The following COL4A3 variants were observed in gnomAD, a reference collection of about 807,000 sequenced individuals.
COL4A3 encodes the protein collagen type IV alpha 3 chain, also known as collagen alpha-3(IV) chain.
In COL4A3, 135 loss-of-function variants were observed where a neutral mutation model predicts 217.4. The observed-to-expected ratio is 0.62, with a 90% CI of 0.54 to 0.72. The LOEUF (loss-of-function observed/expected upper bound fraction) is 0.72. Ranked by LOEUF, COL4A3 falls within the 30% of genes least tolerant of loss-of-function variation. The probability of loss-of-function intolerance (pLI) is 0.00; values close to 1 mark genes in which losing one functional copy is unlikely to be tolerated. For synonymous variants in COL4A3, 690 were observed against 736.3 expected, an observed-to-expected ratio of 0.94 and a Z score of 1.02; for missense variants, 1,868 against 2,119.9, an observed-to-expected ratio of 0.88 and a Z score of 2.33.
chr2:227,307,766 T>C lies in COL4A3; in HGVS notation c.4309T>C (p.Ser1437Pro), dbSNP rs1271304293. The stretch of plus-strand genomic sequence containing the variant: ...GAAAGGAAAACGTGGAGACAGTGGA[T>C]CACCTGCAACCTGGACAACGAGAGG... Reference protein sequence around the residue: ...GLKGKRGDSGSPATWTTRGFV... With the variant: ...GLKGKRGDSGPPATWTTRGFV... Residue 1437 changes from serine to proline, a missense_variant, in exon 48 of 52, where the codon TCA (serine) becomes CCA (proline). Physicochemically the swap from Ser to Pro is moderately conservative, Grantham distance 74. Around this residue, in one of 2 missense-constraint regions of COL4A3, gnomAD observed 1,503 missense variants for 1,786.1 expected, o/e 0.84. Coordinates refer to ENST00000396578, the MANE Select transcript of COL4A3 (RefSeq NM_000091.5). 6.2e-7 allele frequency: 1 copy of C among 1,614,196 alleles called. No homozygotes were observed. Among genetic ancestry groups the C allele is most frequent in the African/African-American group, 1.3e-5 (1 of 75,050 alleles).
chr2:227,230,892 G>T (rs989865704), intron 1 of COL4A3, among the ~76,000 whole-genome samples: 2 of 152,158 alleles, frequency 1.3e-5, no homozygotes, highest in Non-Finnish European at 2.9e-5. Context: ...CCAGAGAGCA[G>T]CCCTGACTAT....
At chr2:227,275,969 C>A (rs1023574532) in intron 26 of COL4A3, among the ~76,000 whole-genome samples, 5 of 152,068 alleles carry the variant, frequency 3.3e-5, no homozygotes, top group African/African-American at 9.7e-5. Context: ...CAGCTCGCTG[C>A]CAGCGCTCAT....
chr2:227,190,609 T>C (rs766364721), intron 1 of COL4A3, among the ~76,000 whole-genome samples: 45 of 152,262 alleles, frequency 3.0e-4, no homozygotes, highest in Non-Finnish European at 4.8e-4. Flanking sequence ...TTAATTATTT[T>C]CTATTATAAA....
chr2:227,256,955 C>T (rs2070218852), intron 17 of COL4A3, among the ~76,000 whole-genome samples: 1 of 152,194 alleles, frequency 6.6e-6, no homozygotes, highest in African/African-American at 2.4e-5. Flanking sequence ...GAGACTGTTG[C>T]TCCTGGACTA....
chr2:227,299,104 C>T (rs1217632290), intron 43 of COL4A3, among the ~76,000 whole-genome samples: 1 of 152,148 alleles, frequency 6.6e-6, no homozygotes, highest in African/African-American at 2.4e-5. Context: ...CCTTATAAAA[C>T]CATCAGATCG....
intron 34 of COL4A3, among the ~76,000 whole-genome samples, chr2:227,284,705 T>C (rs1293381469): frequency 6.6e-6 from 1 of 152,210 alleles, no homozygotes; most frequent in African/African-American, 2.4e-5. Context: ...CTGGCTGATG[T>C]TGAAACCTCC....
At chr2:227,241,296 C>T (rs929904356) in intron 3 of COL4A3, among the ~76,000 whole-genome samples, 5 of 152,198 alleles carry the variant, frequency 3.3e-5, no homozygotes, top group Non-Finnish European at 7.3e-5. Context: ...TGACCTCCAG[C>T]AAGCTATAAA....
In COL4A3 at chr2:227,295,225, A is replaced by G. The variant is rs766612199; in HGVS notation, c.3518-44A>G. 4.4e-6 allele frequency: 7 copies of G among 1,599,498 alleles called. No individual in the cohort carries two copies. In the South Asian group the frequency reaches 7.7e-5, roughly 18 times the overall value. On this transcript the variant is annotated intron_variant, in intron 40 of 51. Coordinates refer to ENST00000396578, the MANE Select transcript of COL4A3 (RefSeq NM_000091.5). Reference sequence around the variant, plus strand: ...ACTTTTCTCATAGACATATAATGTAATGAAATTGACCAATTATTAACATGC... The same window carrying G: ...ACTTTTCTCATAGACATATAATGTAGTGAAATTGACCAATTATTAACATGC...
rs756969098 is a variant in COL4A3, at chr2:227,237,950, C to G, written c.88-18C>G. On this transcript the variant is annotated intron_variant, in intron 1 of 51. Transcript: ENST00000396578. ...CAGCTGTTTCTAAACAAAACCCTTT[C>G]TCTTTCCCTCTTCCTAGGGTTGTGT... The G allele has an allele frequency of 4.5e-5, 72 of 1,597,338 alleles. No individual in the cohort carries two copies. Among genetic ancestry groups the G allele is most frequent in the Non-Finnish European group, 6.0e-5 (70 of 1,165,054 alleles).
chr2:227,266,147 C>A (rs2070875682), intron 21 of COL4A3, among the ~76,000 whole-genome samples: 1 of 151,638 alleles, frequency 6.6e-6, no homozygotes, highest in Non-Finnish European at 1.5e-5. Context: ...TTGGAAACAA[C>A]TAAGTAAGAT....
At chr2:227,181,889 T>C (rs2065877756) in intron 1 of COL4A3, among the ~76,000 whole-genome samples, 1 of 152,178 alleles carries the variant, frequency 6.6e-6, no homozygotes, top group African/African-American at 2.4e-5. Flanking sequence ...AGTTCTCCTT[T>C]CCAAATAATA....
intron 1 of COL4A3, among the ~76,000 whole-genome samples, chr2:227,180,138 C>T (rs2065822952): frequency 6.6e-6 from 1 of 152,184 alleles, no homozygotes; most frequent in African/African-American, 2.4e-5. Flanking sequence ...CGATTAGTAG[C>T]AGTGCTTCAA....
chr2:227,190,746 A>C (rs896152449), intron 1 of COL4A3, among the ~76,000 whole-genome samples: 2 of 152,310 alleles, frequency 1.3e-5, no homozygotes, highest in Non-Finnish European at 2.9e-5. Flanking sequence ...GTCTCTACAA[A>C]AAATTAAAAA....
In COL4A3 at chr2:227,267,067, C is replaced by T. The variant is rs200510532; in HGVS notation, c.1483C>T (p.His495Tyr). The change falls in exon 23 of 52, where the codon CAT becomes TAT. Residue 495 changes from histidine (H) to tyrosine (Y), a missense_variant. By Grantham distance (83) the His-to-Tyr change is moderately conservative. Coordinates refer to ENST00000396578, the MANE Select transcript of COL4A3 (RefSeq NM_000091.5). Reference sequence around the variant, plus strand: ...CGGTCTCCCAGGATTGCCAGGGTTACATGGTGTAAAAGGAATCCCAGGTAC... The same window carrying T: ...CGGTCTCCCAGGATTGCCAGGGTTATATGGTGTAAAAGGAATCCCAGGTAC... ...PPGLPGLPGL[H>Y]GVKGIPGRQG... 9.2e-4 allele frequency: 1,478 copies of T among 1,613,710 alleles called. 5 individuals carry two copies. Among genetic ancestry groups the T allele is most frequent in the Non-Finnish European group, 1.1e-3 (1,281 of 1,179,802 alleles).
At chr2:227,266,698 T>A (rs752611718) in intron 22 of COL4A3, among the ~76,000 whole-genome samples, 189 bp downstream of exon 22, 4 of 152,256 alleles carry the variant, frequency 2.6e-5, no homozygotes, top group Non-Finnish European at 5.9e-5. Flanking sequence ...AATAAATTGT[T>A]GGATATCCCT....
intron 8 of COL4A3, among the ~76,000 whole-genome samples, chr2:227,247,920 C>T (rs1055692664): frequency 2.6e-5 from 4 of 152,008 alleles, no homozygotes; most frequent in Non-Finnish European, 4.4e-5. Flanking sequence ...ATTACCCCTG[C>T]GTCTTTCTTC....
chr2:227,311,872 G>A lies in COL4A3; in HGVS notation c.*2G>A, dbSNP rs1367729493. 1.2e-6 allele frequency: 2 copies of A among 1,613,466 alleles called. No individual in the cohort carries two copies. The highest frequency in any genetic ancestry group is 1.3e-5 in the African/African-American group (1 of 74,868). ...GTGTGCATGAAGAAAAGACACTGAAGCTAAAAAAGACAGCAGAACTGCTAT... is the reference window on the plus strand; with the variant it reads ...GTGTGCATGAAGAAAAGACACTGAAACTAAAAAAGACAGCAGAACTGCTAT... On this transcript the variant is annotated 3_prime_UTR_variant, in exon 52 of 52. Transcript: ENST00000396578.
chr2:227,222,017 C>T (rs1049281385), intron 1 of COL4A3, among the ~76,000 whole-genome samples: 4 of 151,552 alleles, frequency 2.6e-5, no homozygotes, highest in African/African-American at 9.7e-5. Flanking sequence ...TGCAGTGGTG[C>T]ACCTAAGTAG....
In COL4A3 at chr2:227,279,895, G is replaced by A. The variant is rs1292303379; in HGVS notation, c.2223+5G>A. 1.1e-5 allele frequency: 18 copies of A among 1,596,784 alleles called. No individual in the cohort carries two copies. In the East Asian group the frequency reaches 1.6e-4, roughly 14 times the overall value. ...CCAGGCCTCCCAGGAGCCAAGGTAT[G>A]CAAAAATTCAAGCTATCACAGAAGA... On this transcript the variant is annotated splice_donor_5th_base_variant and intron_variant, in intron 29 of 51. Transcript: ENST00000396578.
Sources: allele counts gnomAD v4.1 joint callset (sites outside exome capture counted in the v4.1 genomes callset), GRCh38; gene constraint gnomAD v4.1.1; regional missense constraint gnomAD v4.1.1; transcripts MANE v1.5; gene names NCBI Gene and HGNC (gene_info 2026-07-23, HGNC 2026-07-21).